Variants in LPAR6 observed in about 807,000 individuals in gnomAD.
LPAR6 encodes G-protein coupled purinergic receptor P2Y5.
LPAR6 carries 17 observed loss-of-function variants against 22.0 expected under a neutral mutation model. That is an observed-to-expected ratio of 0.77 (90% CI 0.53 to 1.16). The LOEUF (loss-of-function observed/expected upper bound fraction) is 1.16. Among genes scored for constraint, LPAR6 ranks in the 50% most tolerant of loss-of-function variants. The pLI is 0.00. For synonymous variants in LPAR6, 136 were observed against 139.8 expected (o/e 0.97, Z 0.19); for missense variants, 384 against 406.9 (o/e 0.94, Z 0.48).
intron 1 of LPAR6, among the ~76,000 whole-genome samples, chr13:48,403,508 C>G (rs923784569): frequency 6.6e-6 from 1 of 152,064 alleles, no homozygotes; most frequent in African/African-American, 2.4e-5. Flanking sequence ...ACACAACACC[C>G]CCAGGAAAGG....
downstream of LPAR6, among the ~76,000 whole-genome samples, chr13:48,406,931 C>T (rs965267685): frequency 1.2e-4 from 19 of 152,154 alleles, no homozygotes; most frequent in African/African-American, 3.6e-4. Context: ...CTTACCCTGG[C>T]GCTACATTAA....
chr13:48,399,350 A>G (rs1948673216), intron 1 of LPAR6, among the ~76,000 whole-genome samples: 1 of 152,054 alleles, frequency 6.6e-6, no homozygotes, highest in Non-Finnish European at 1.5e-5. Flanking sequence ...TTAGGAATAA[A>G]TATTTTATAG....
downstream of LPAR6, chr13:48,406,588 C>T (rs963433396): frequency 6.6e-6 from 1 of 152,220 alleles, no homozygotes; most frequent in African/African-American, 2.4e-5. Context: ...CACAGCTTCT[C>T]AGCACTTAAC....
chr13:48,402,255 T>G (rs2138182016), intron 1 of LPAR6, among the ~76,000 whole-genome samples: 1 of 152,292 alleles, frequency 6.6e-6, no homozygotes, highest in South Asian at 2.1e-4. Flanking sequence ...GCATCTGATT[T>G]AGTTGAACCC....
At chr13:48,395,439 A>G (rs1238783828) in intron 1 of LPAR6, among the ~76,000 whole-genome samples, 1 of 152,178 alleles carries the variant, frequency 6.6e-6, no homozygotes, top group African/African-American at 2.4e-5. Flanking sequence ...TCCGAGCTAA[A>G]GGACCATGTT....
intron 1 of LPAR6, among the ~76,000 whole-genome samples, chr13:48,394,331 G>T (rs1201415683): frequency 6.6e-6 from 1 of 152,168 alleles, no homozygotes; most frequent in East Asian, 1.9e-4. Context: ...GCAGCTGTTT[G>T]GGCAGATACC....
chr13:48,436,612 C>T (rs1008817714), intron 1 of LPAR6, among the ~76,000 whole-genome samples: 5 of 151,740 alleles, frequency 3.3e-5, no homozygotes, highest in Non-Finnish European at 7.4e-5. Flanking sequence ...CACTGCACTC[C>T]AGCCTGGGTG....
chr13:48,434,575 C>T (rs958110392), intron 1 of LPAR6, among the ~76,000 whole-genome samples: 1 of 152,056 alleles, frequency 6.6e-6, no homozygotes, highest in Non-Finnish European at 1.5e-5. Context: ...ACCCTACAGC[C>T]GAGACTCTTT....
At chr13:48,423,687 AAAG>A (rs1458337100) in intron 1 of LPAR6, among the ~76,000 whole-genome samples, 7 of 152,260 alleles carry the variant, frequency 4.6e-5, no homozygotes. Context: ...CAAAAAGAAA[AAAG>A]AAAAAAATCA....
chr13:48,394,825 C>T (rs1337362401), intron 1 of LPAR6, among the ~76,000 whole-genome samples: 2 of 152,242 alleles, frequency 1.3e-5, no homozygotes, highest in Non-Finnish European at 2.9e-5. Context: ...ACATCTTCAG[C>T]AGACTTAAAC....
downstream of LPAR6, among the ~76,000 whole-genome samples, chr13:48,409,763 T>C (rs1361046911): frequency 4.6e-5 from 7 of 151,816 alleles, no homozygotes; most frequent in Admixed American, 2.6e-4. Flanking sequence ...GTATTTTTAG[T>C]AGAGACGGGG....
upstream of LPAR6, among the ~76,000 whole-genome samples, chr13:48,414,290 T>C (rs1219822879): frequency 6.7e-6 from 1 of 148,672 alleles, no homozygotes; most frequent in Non-Finnish European, 1.5e-5. Context: ...GATGTTGCAG[T>C]GAACCAAGAT....
upstream of LPAR6, among the ~76,000 whole-genome samples, chr13:48,431,511 A>G (rs1464376162): frequency 2.0e-5 from 3 of 152,360 alleles, no homozygotes; most frequent in Admixed American, 6.5e-5. Context: ...AATTATTGGT[A>G]TGATTCTAAG....
intron 1 of LPAR6, among the ~76,000 whole-genome samples, chr13:48,396,151 A>G (rs1046325620): frequency 1.3e-5 from 2 of 152,180 alleles, no homozygotes; most frequent in African/African-American, 2.4e-5. Flanking sequence ...AACTACTTTA[A>G]ATTTTATATA....
chr13:48,394,483 A>G (rs1948633166), intron 1 of LPAR6, among the ~76,000 whole-genome samples: 1 of 152,232 alleles, frequency 6.6e-6, no homozygotes, highest in South Asian at 2.1e-4. Flanking sequence ...CATGGAGCCA[A>G]GCAAGCTAAG....
chr13:48,394,064 T>C (rs538831547), intron 1 of LPAR6, among the ~76,000 whole-genome samples: 31 of 152,204 alleles, frequency 2.0e-4, no homozygotes, highest in Non-Finnish European at 3.2e-4. Flanking sequence ...GCTCATCTCA[T>C]TGGGACTGGT....
At chr13:48,427,251 G>A (rs1332341844), upstream of LPAR6, among the ~76,000 whole-genome samples, 1 of 39,122 alleles carries the variant, frequency 2.6e-5, no homozygotes. Context: ...TCCAGCATTG[G>A]GGAGCACACT....
At position 48,411,329 on chromosome 13, in the gene LPAR6, C is replaced by G; in HGVS notation, c.*60G>C. 7.4e-7 allele frequency: 1 copy of G among 1,352,686 alleles called. No individual in the cohort carries two copies. Among genetic ancestry groups the G allele is most frequent in the Non-Finnish European group, 1.1e-6 (1 of 949,000 alleles). The allele number at this position is 1,352,686 out of a possible 1,614,324, so 83.8% of individuals were successfully genotyped here. On this transcript the variant is annotated 3_prime_UTR_variant, in exon 1 of 1. Coordinates refer to ENST00000620633, the MANE Select transcript of LPAR6 (RefSeq NM_001162498.3). Reference sequence around the variant, plus strand: ...TGGAAAAATAGTTTGTCCAAAAAGACACTTTTCACAGTTGAAGGAACTTGA... The same window carrying G: ...TGGAAAAATAGTTTGTCCAAAAAGAGACTTTTCACAGTTGAAGGAACTTGA...
At chr13:48,444,096 T>G (rs1317905150) in intron 1 of LPAR6, among the ~76,000 whole-genome samples, 1 of 152,030 alleles carries the variant, frequency 6.6e-6, no homozygotes, top group African/African-American at 2.4e-5. Context: ...CTGGTTGGGG[T>G]CTCAGTGCCC....
Sources: allele counts gnomAD v4.1 joint callset (sites outside exome capture counted in the v4.1 genomes callset), GRCh38; gene constraint gnomAD v4.1.1; transcripts MANE v1.5; gene names NCBI Gene and HGNC (gene_info 2026-07-23, HGNC 2026-07-21).